The following GPHN variants were observed in gnomAD, a reference collection of about 807,000 sequenced individuals.
The protein encoded by GPHN is gephyrin.
Under a neutral mutation model 95.5 loss-of-function variants are expected in GPHN, and 17 were observed. That is an observed-to-expected ratio of 0.18 (90% CI 0.12 to 0.27). The LOEUF (loss-of-function observed/expected upper bound fraction) is 0.27. Among genes scored for constraint, GPHN ranks in the 10% least tolerant of loss-of-function variants. The pLI is 1.00. For missense variants in GPHN, 660 were observed against 978.1 expected (o/e 0.67, Z 4.34); for synonymous variants, 320 against 322.5 (o/e 0.99, Z 0.08).
At chr14:67,645,689 C>T in the GPHN span, 25 of 1,613,930 alleles carry the variant, frequency 1.5e-5, no homozygotes, top group South Asian at 2.5e-4. Flanking sequence ...CTGCCCAGAC[C>T]TTTGTGTTGT....
At chr14:66,589,476 G>A (rs993610456) in intron 1 of GPHN, among the ~76,000 whole-genome samples, 1 of 151,266 alleles carries the variant, frequency 6.6e-6, no homozygotes, top group South Asian at 2.1e-4. Context: ...TTGATGTGCT[G>A]TATTTAGGAG....
intron 2 of GPHN, among the ~76,000 whole-genome samples, chr14:66,752,752 TC>T (rs1408694192): frequency 1.3e-5 from 2 of 151,984 alleles, no homozygotes; most frequent in African/African-American, 2.4e-5. Flanking sequence ...CCAGCAGACT[TC>T]CTTGACATGG....
At chr14:66,870,522 A>G (rs925288920) in intron 4 of GPHN, among the ~76,000 whole-genome samples, 16 of 152,188 alleles carry the variant, frequency 1.1e-4, no homozygotes, top group Non-Finnish European at 2.2e-4. Context: ...TGAACCAGCA[A>G]TATGGAGAGC....
intron 8 of GPHN, among the ~76,000 whole-genome samples, chr14:66,954,908 TA>T (rs1190810239): frequency 6.6e-6 from 1 of 152,238 alleles, no homozygotes; most frequent in African/African-American, 2.4e-5. Context: ...TAACATGGTG[TA>T]TTTCACTGAC....
the GPHN span, among the ~76,000 whole-genome samples, chr14:67,242,977 T>A: frequency 1.1e-4 from 17 of 152,204 alleles, no homozygotes; most frequent in Non-Finnish European, 1.3e-4. Flanking sequence ...ATTATGATTT[T>A]GATTAAAAAT....
the GPHN span, among the ~76,000 whole-genome samples, chr14:67,391,298 T>TGC: frequency 6.6e-6 from 1 of 151,298 alleles, no homozygotes; most frequent in Non-Finnish European, 1.5e-5. Context: ...TGTGTGTGTG[T>TGC]GTGTGTGACT....
chr14:67,699,918 G>C, the GPHN span, among the ~76,000 whole-genome samples: 3 of 152,096 alleles, frequency 2.0e-5, no homozygotes, highest in African/African-American at 7.2e-5. Flanking sequence ...GAGGTGGGCG[G>C]ATCATGAGGT....
intron 3 of GPHN, among the ~76,000 whole-genome samples, chr14:66,785,903 A>G (rs1461471327): frequency 6.6e-6 from 1 of 152,152 alleles, no homozygotes; most frequent in Non-Finnish European, 1.5e-5. Context: ...CAGTGAAAGC[A>G]GGGCTGAGAG....
chr14:67,209,721 G>A, the GPHN span, among the ~76,000 whole-genome samples: 110 of 151,654 alleles, frequency 7.3e-4, no homozygotes, highest in Non-Finnish European at 1.4e-3. Context: ...GGGAGGCTGA[G>A]GCAGGAGAAT....
At chr14:66,861,742 G>C (rs1596184924) in intron 4 of GPHN, among the ~76,000 whole-genome samples, 1 of 152,060 alleles carries the variant, frequency 6.6e-6, no homozygotes, top group East Asian at 1.9e-4. Flanking sequence ...GCTCCTGAAT[G>C]ATCAATGGGT....
intron 9 of GPHN, among the ~76,000 whole-genome samples, chr14:66,983,487 C>T (rs1567179175): frequency 6.6e-6 from 1 of 152,052 alleles, no homozygotes; most frequent in African/African-American, 2.4e-5. Context: ...TCAGAAGCTG[C>T]AAAAAAATCA....
the GPHN span, among the ~76,000 whole-genome samples, chr14:67,638,179 A>G: frequency 6.6e-6 from 1 of 152,176 alleles, no homozygotes; most frequent in Non-Finnish European, 1.5e-5. Context: ...ATATTTTGCT[A>G]TGACAGTTAA....
At chr14:67,122,460 AAG>A (rs1391788664) in intron 17 of GPHN, 83 bp downstream of exon 17, 65 of 1,176,432 alleles carry the variant, frequency 5.5e-5, no homozygotes, top group Non-Finnish European at 7.0e-5. Context: ...GTTGCTGCTA[AAG>A]AGACAGAAAT....
chr14:67,096,655 G>T (rs1438975393), intron 12 of GPHN, among the ~76,000 whole-genome samples: 47 of 133,226 alleles, frequency 3.5e-4, no homozygotes, highest in Non-Finnish European at 5.9e-4. Context: ...TCGCTATGTT[G>T]CTCTGGCTGG....
the GPHN span, among the ~76,000 whole-genome samples, chr14:67,699,836 C>A: frequency 6.6e-6 from 1 of 152,066 alleles, no homozygotes; most frequent in Admixed American, 6.5e-5. Flanking sequence ...AAGACAAACT[C>A]AATGAAAAGA....
In GPHN at chr14:67,144,240, AAAAAAAAAAAATATATATATATAT is replaced by A. The variant is rs1451490111; in HGVS notation, c.1836+793_1836+816del. Among the ~76,000 whole-genome samples, 8 of 54,522 alleles carry A rather than the reference AAAAAAAAAAAATATATATATATAT, an allele frequency of 1.5e-4. 1 individual carries two copies. The highest frequency in any genetic ancestry group is 7.9e-4 in the East Asian group (1 of 1,266). 35.8% of individuals were successfully genotyped at this position (54,522 alleles called of 152,430 possible). ...CAACACAGCAAGACCCTGTCTTAAA[AAAAAAAAAAAATATATATATATAT>A]ATATATATATATATATATATATACA... On this transcript the variant is annotated intron_variant, in intron 18 of 22. Coordinates refer to ENST00000478722, the MANE Select transcript of GPHN (RefSeq NM_020806.5).
rs200003253 is a variant in GPHN, at chr14:66,680,499, TC to T, written c.65-607del. On this transcript the variant is annotated intron_variant, in intron 1 of 22. Transcript: ENST00000478722. ...AGCAAATTTTTCAGGGAGAAAACTG[TC>T]TGTAATTTTGGACTTCATCAGATTC... is the stretch of plus-strand genomic sequence containing the variant. 5.5e-3 allele frequency among the ~76,000 whole-genome samples: 833 copies of T among 152,302 alleles called. 10 individuals carry two copies. The highest frequency in any genetic ancestry group is 0.019 in the African/African-American group (790 of 41,568).
downstream of GPHN, among the ~76,000 whole-genome samples, chr14:67,184,448 G>A (rs949033980): frequency 2.0e-5 from 3 of 152,046 alleles, no homozygotes; most frequent in African/African-American, 7.2e-5. Context: ...AGGGGGTAGA[G>A]GTGATGGTGA....
intron 9 of GPHN, among the ~76,000 whole-genome samples, chr14:66,971,449 T>C (rs2069770516): frequency 6.6e-6 from 1 of 152,358 alleles, no homozygotes; most frequent in South Asian, 2.1e-4. Context: ...TTTACATTTT[T>C]TCAAATATAT....
Sources: allele counts gnomAD v4.1 joint callset (sites outside exome capture counted in the v4.1 genomes callset), GRCh38; gene constraint gnomAD v4.1.1; transcripts MANE v1.5; gene names NCBI Gene and HGNC (gene_info 2026-07-23, HGNC 2026-07-21).